DNAJC1: variants seen among roughly 807,000 people sequenced by gnomAD.
The protein encoded by DNAJC1 is DnaJ heat shock protein family (Hsp40) member C1, also known as dnaJ homolog subfamily C member 1.
DNAJC1 carries 58 observed loss-of-function variants against 76.6 expected under a neutral mutation model. That is an observed-to-expected ratio of 0.76 (90% CI 0.61 to 0.94). DNAJC1 has a LOEUF of 0.94. Ranked by LOEUF, DNAJC1 falls within the 40% of genes least tolerant of loss-of-function variation. The pLI, the probability that DNAJC1 is intolerant of heterozygous loss-of-function variation, is 0.00. For synonymous variants in DNAJC1, 258 were observed against 267.9 expected, an observed-to-expected ratio of 0.96 and a Z score of 0.36; for missense variants, 689 against 677.3, an observed-to-expected ratio of 1.02 and a Z score of -0.19.
At chr10:21,790,768 GA>G (rs1272051580) in intron 9 of DNAJC1, among the ~76,000 whole-genome samples, 1 of 151,408 alleles carries the variant, frequency 6.6e-6, no homozygotes, top group African/African-American at 2.4e-5. Context: ...TAATATTACA[GA>G]AAACCACCAA....
At chr10:21,789,350 C>T (rs1834653087) in intron 9 of DNAJC1, among the ~76,000 whole-genome samples, 1 of 152,190 alleles carries the variant, frequency 6.6e-6, no homozygotes, top group African/African-American at 2.4e-5. Context: ...CCAACTGGCA[C>T]TGTAAGACCC....
chr10:21,797,205 T>C (rs1834759800), intron 9 of DNAJC1, among the ~76,000 whole-genome samples: 1 of 152,322 alleles, frequency 6.6e-6, no homozygotes, highest in East Asian at 1.9e-4. Flanking sequence ...TGAAAAGACC[T>C]TTCTTTCCCC....
chr10:21,975,639 A>G (rs1293702999), intron 1 of DNAJC1, among the ~76,000 whole-genome samples: 1 of 129,190 alleles, frequency 7.7e-6, no homozygotes, highest in Admixed American at 7.8e-5. Flanking sequence ...CATACTAGCT[A>G]TCTTACTTAC....
At chr10:21,831,852 T>C (rs546839954) in intron 8 of DNAJC1, among the ~76,000 whole-genome samples, 2 of 151,836 alleles carry the variant, frequency 1.3e-5, no homozygotes, top group South Asian at 2.1e-4. Context: ...CAGCTCAGTC[T>C]GTTAGGTGGC....
At chr10:21,840,646 A>G (rs1835560445) in intron 8 of DNAJC1, among the ~76,000 whole-genome samples, 1 of 152,238 alleles carries the variant, frequency 6.6e-6, no homozygotes, top group Non-Finnish European at 1.5e-5. Context: ...ATGGGTAGGA[A>G]GAATCAATAT....
intron 8 of DNAJC1, among the ~76,000 whole-genome samples, chr10:21,828,764 T>G (rs1262542573): frequency 6.6e-6 from 1 of 152,238 alleles, no homozygotes; most frequent in Admixed American, 6.5e-5. Context: ...GGAAGGATTT[T>G]TGTAACTAAG....
intron 6 of DNAJC1, among the ~76,000 whole-genome samples, chr10:21,908,198 T>C (rs1318497780): frequency 3.0e-5 from 3 of 98,792 alleles, no homozygotes; most frequent in Non-Finnish European, 5.6e-5. Context: ...ATATATATTA[T>C]ATATATAAAA....
chr10:21,980,885 T>C (rs1057456726), intron 1 of DNAJC1, among the ~76,000 whole-genome samples: 2 of 152,130 alleles, frequency 1.3e-5, no homozygotes, highest in Non-Finnish European at 2.9e-5. Flanking sequence ...GTGTTCTTCT[T>C]TTTGGGCAAG....
chr10:21,959,816 A>G (rs1837757563), intron 1 of DNAJC1, among the ~76,000 whole-genome samples: 1 of 149,334 alleles, frequency 6.7e-6, no homozygotes, highest in South Asian at 2.2e-4. Context: ...AAAAAAAAAG[A>G]AGAGAGAAAT....
At chr10:21,842,026 T>C (rs1396223181) in intron 8 of DNAJC1, among the ~76,000 whole-genome samples, 2 of 140,476 alleles carry the variant, frequency 1.4e-5, no homozygotes, top group Non-Finnish European at 3.0e-5. Flanking sequence ...ATGTTCTCAC[T>C]CATAGGTGGG....
At chr10:21,904,655 G>A (rs1263231380) in intron 6 of DNAJC1, 43 bp from the exon 7 acceptor site, 2 of 1,223,142 alleles carry the variant, frequency 1.6e-6, no homozygotes, top group South Asian at 1.4e-5. Context: ...AAAAATCAGT[G>A]TGCTTCAATA....
At chr10:21,799,874 C>G in intron 9 of DNAJC1, among the ~76,000 whole-genome samples, 1 of 152,094 alleles carries the variant, frequency 6.6e-6, no homozygotes, top group East Asian at 1.9e-4. Flanking sequence ...AACCATTTCC[C>G]CTGAGCACTG....
At chr10:21,880,241 T>C (rs972087822) in intron 8 of DNAJC1, among the ~76,000 whole-genome samples, 5 of 152,214 alleles carry the variant, frequency 3.3e-5, no homozygotes, top group African/African-American at 7.2e-5. Context: ...TTTCCTCCAA[T>C]GAAATCTTGA....
intron 9 of DNAJC1, among the ~76,000 whole-genome samples, chr10:21,771,037 G>A (rs1834370182): frequency 6.6e-6 from 1 of 151,914 alleles, no homozygotes. Context: ...ATTTATTCCT[G>A]AGTATTTTAT....
intron 8 of DNAJC1, among the ~76,000 whole-genome samples, chr10:21,841,656 G>T (rs962591706): frequency 4.0e-4 from 61 of 152,170 alleles, no homozygotes; most frequent in Non-Finnish European, 6.8e-4. Flanking sequence ...CTGTTGGTGG[G>T]ACTGTAAACT....
chr10:21,993,960 T>C (rs1331568654), intron 1 of DNAJC1, among the ~76,000 whole-genome samples: 1 of 152,168 alleles, frequency 6.6e-6, no homozygotes. Flanking sequence ...CAAGAGTCAT[T>C]TGCTCTAATA....
At chr10:21,797,517 A>C (rs918895308) in intron 9 of DNAJC1, among the ~76,000 whole-genome samples, 12 of 152,200 alleles carry the variant, frequency 7.9e-5, no homozygotes, top group African/African-American at 2.9e-4. Flanking sequence ...TTTTAAAACA[A>C]ATGAGTGCTA....
At chr10:21,820,164 G>C (rs1292072986) in intron 8 of DNAJC1, among the ~76,000 whole-genome samples, 2 of 151,960 alleles carry the variant, frequency 1.3e-5, no homozygotes, top group East Asian at 3.9e-4. Context: ...CCCTATTCTG[G>C]GCATTTCATA....
Position 22,003,397 on chromosome 10 carries a change from C to A in DNAJC1, c.38G>T (p.Gly13Val). 7.3e-7 allele frequency: 1 copy of A among 1,378,046 alleles called. No individual in the cohort carries two copies. The highest frequency in any genetic ancestry group is 9.4e-7 in the Non-Finnish European group (1 of 1,067,862). The allele number at this position is 1,378,046 out of a possible 1,614,324, so 85.4% of individuals were successfully genotyped here. A position where few individuals can be genotyped will look rare whatever the true frequency, so the allele number is the denominator to read the frequency against. Residue 13 changes from glycine (G) to valine (V), a missense_variant, in exon 1 of 12, where the codon GGA becomes GTA. Physicochemically the swap from Gly to Val is moderately radical, Grantham distance 109 (BLOSUM62 -3). Transcript: ENST00000376980. ...CGGCACCAGCCCGAGCTGGCGGCGT[C>A]CAGGAAGCTGCGCCGGCTGGGAGCA... ...APCSQPAQLP[G>V]RRQLGLVPFP...
Sources: gnomAD v4.1 joint callset for allele counts (sites outside exome capture counted in the v4.1 genomes callset) on GRCh38, gnomAD v4.1.1 for gene constraint, MANE v1.5 for transcripts, NCBI Gene and HGNC (gene_info 2026-07-23, HGNC 2026-07-21) for gene names.